Variants in SOCS5 observed in about 807,000 individuals in gnomAD.
The protein encoded by SOCS5 is suppressor of cytokine signaling 5, also known as CIS-6.
In SOCS5, 32 loss-of-function variants were observed where a neutral mutation model predicts 42.8. That is an observed-to-expected ratio of 0.75 (90% CI 0.56 to 1.01). The LOEUF (loss-of-function observed/expected upper bound fraction) is 1.01. SOCS5 is among the 50% of genes least tolerant of loss of function. The pLI, the probability that SOCS5 is intolerant of heterozygous loss-of-function variation, is 0.00. For missense variants in SOCS5, 627 were observed against 653.0 expected (o/e 0.96, Z 0.43); for synonymous variants, 283 against 229.6 (o/e 1.23, Z -2.10).
At chr2:46,756,414 C>T (rs1049599652) in intron 1 of SOCS5, among the ~76,000 whole-genome samples, 1 of 152,094 alleles carries the variant, frequency 6.6e-6, no homozygotes, top group African/African-American at 2.4e-5. Flanking sequence ...AGATGTTCTT[C>T]GTGTGTGTAT....
chr2:46,711,311 A>G (rs548875856), intron 1 of SOCS5, among the ~76,000 whole-genome samples: 2 of 152,220 alleles, frequency 1.3e-5, no homozygotes, highest in Admixed American at 6.5e-5. Flanking sequence ...TATCATCAAT[A>G]TTTGGTTTAG....
At chr2:46,743,775 G>T (rs946068883) in intron 1 of SOCS5, among the ~76,000 whole-genome samples, 1 of 152,078 alleles carries the variant, frequency 6.6e-6, no homozygotes, top group Admixed American at 6.5e-5. Context: ...GGACTGGGGG[G>T]CATCTCCAAA....
chr2:46,700,631 A>G (rs1672319296), intron 1 of SOCS5, among the ~76,000 whole-genome samples: 1 of 152,230 alleles, frequency 6.6e-6, no homozygotes, highest in South Asian at 2.1e-4. Flanking sequence ...TAGCAGCTCT[A>G]TTAAGCAATA....
chr2:46,738,459 T>C (rs545918706), intron 1 of SOCS5, among the ~76,000 whole-genome samples: 1 of 152,310 alleles, frequency 6.6e-6, no homozygotes, highest in Non-Finnish European at 1.5e-5. Flanking sequence ...AGAAATCAAG[T>C]ACAATCCTGG....
chr2:46,745,429 C>A (rs1673476127), intron 1 of SOCS5, among the ~76,000 whole-genome samples: 1 of 152,066 alleles, frequency 6.6e-6, no homozygotes, highest in Non-Finnish European at 1.5e-5. Context: ...TAAAATTGTA[C>A]CTGATCAAAA....
chr2:46,753,049 T>C (rs975590863), intron 1 of SOCS5, among the ~76,000 whole-genome samples: 1 of 152,204 alleles, frequency 6.6e-6, no homozygotes, highest in African/African-American at 2.4e-5. Flanking sequence ...TGCTCTCTTA[T>C]CATGGATTAT....
rs185376464 is a variant in SOCS5 at position 46,714,496 on chromosome 2, C to G, written c.-13+15047C>G. Among the ~76,000 whole-genome samples the G allele has an allele frequency of 9.2e-5, 14 of 152,262 alleles. 1 individual carries two copies. In the East Asian group the frequency reaches 2.7e-3, roughly 29 times the overall value. On this transcript the variant is annotated intron_variant, in intron 1 of 1. Coordinates refer to ENST00000394861, the MANE Select transcript of SOCS5 (RefSeq NM_144949.3). The stretch of plus-strand genomic sequence containing the variant: ...ATGATATATCTTTTTCATCCTTTTA[C>G]TTTTAACCTATTTATATCATTATAC...
At chr2:46,748,117 C>T (rs1337165924) in intron 1 of SOCS5, among the ~76,000 whole-genome samples, 2 of 151,898 alleles carry the variant, frequency 1.3e-5, no homozygotes, top group South Asian at 2.1e-4. Context: ...TTACTTCTCC[C>T]GATACCCTTC....
chr2:46,727,144 CTTTTTTTTTTTT>C (rs759203329), intron 1 of SOCS5, among the ~76,000 whole-genome samples: 2 of 86,412 alleles, frequency 2.3e-5, no homozygotes, highest in Non-Finnish European at 2.2e-5. Flanking sequence ...TTGGAGCCTT[CTTTTTTTTTTTT>C]TTTTTTTTTT....
chr2:46,716,786 A>G (rs1485488142), intron 1 of SOCS5, among the ~76,000 whole-genome samples: 2 of 152,142 alleles, frequency 1.3e-5, no homozygotes, highest in Admixed American at 1.3e-4. Context: ...AATTTTATGA[A>G]TCAACTTGAA....
intron 1 of SOCS5, among the ~76,000 whole-genome samples, chr2:46,719,258 C>G (rs1056181884): frequency 2.6e-5 from 4 of 152,058 alleles, no homozygotes; most frequent in Non-Finnish European, 4.4e-5. Context: ...TCCATTTTTG[C>G]AGATACTTTA....
intron 1 of SOCS5, among the ~76,000 whole-genome samples, chr2:46,749,078 G>C (rs7562173): frequency 0.29 from 43,995 of 152,068 alleles, 7,324 homozygotes; most frequent in Non-Finnish European, 0.37. Context: ...GCTCTAGTAA[G>C]CATGATCAGT....
At chr2:46,758,147 C>G (rs1457999284) in intron 1 of SOCS5, among the ~76,000 whole-genome samples, 1 of 152,168 alleles carries the variant, frequency 6.6e-6, no homozygotes, top group Non-Finnish European at 1.5e-5. Context: ...AAGTTGAATA[C>G]AAATGTGTTT....
At chr2:46,754,398 T>C (rs1480124975) in intron 1 of SOCS5, among the ~76,000 whole-genome samples, 5 of 152,210 alleles carry the variant, frequency 3.3e-5, no homozygotes, top group Admixed American at 6.5e-5. Flanking sequence ...TTCACTTTTA[T>C]TGAGTATTTC....
rs374384135 is a variant in SOCS5, at chr2:46,713,721, T to G, written c.-13+14272T>G. ...TGGGTTTAATTTGCTCTTTTTTCCC[T>G]AGTTTTAAGTGAAAGCTTAGATCAT... On this transcript the variant is annotated intron_variant, in intron 1 of 1. Coordinates refer to ENST00000394861, the MANE Select transcript of SOCS5 (RefSeq NM_144949.3). Among the ~76,000 whole-genome samples the G allele has an allele frequency of 1.0e-3, 154 of 152,272 alleles. 1 individual carries two copies. Among genetic ancestry groups the G allele is most frequent in the African/African-American group, 3.6e-3 (149 of 41,572 alleles).
chr2:46,714,115 TA>T (rs1208434130), intron 1 of SOCS5, among the ~76,000 whole-genome samples: 3 of 152,198 alleles, frequency 2.0e-5, no homozygotes, highest in Non-Finnish European at 4.4e-5. Context: ...AAAGAATGGT[TA>T]TTTTCCTGTT....
chr2:46,746,745 G>C (rs192373374), intron 1 of SOCS5, among the ~76,000 whole-genome samples: 5 of 151,676 alleles, frequency 3.3e-5, no homozygotes, highest in Non-Finnish European at 7.4e-5. Context: ...TTGTTAGTAC[G>C]GTATATAGTT....
chr2:46,740,441 C>T (rs1480607518), intron 1 of SOCS5, among the ~76,000 whole-genome samples: 1 of 152,102 alleles, frequency 6.6e-6, no homozygotes, highest in Non-Finnish European at 1.5e-5. Context: ...GTACTGGTTA[C>T]TGTAAGGATA....
intron 1 of SOCS5, among the ~76,000 whole-genome samples, chr2:46,718,952 G>A (rs187932916): frequency 6.6e-6 from 1 of 152,216 alleles, no homozygotes; most frequent in Non-Finnish European, 1.5e-5. Context: ...TTTATTATAA[G>A]GAAATAAGAG....
Sources: gnomAD v4.1 joint callset for allele counts (sites outside exome capture counted in the v4.1 genomes callset) on GRCh38, gnomAD v4.1.1 for gene constraint, MANE v1.5 for transcripts, NCBI Gene and HGNC (gene_info 2026-07-23, HGNC 2026-07-21) for gene names.